THEM5: variants seen among roughly 807,000 people sequenced by gnomAD.
THEM5 encodes the protein acyl-coenzyme A thioesterase THEM5.
THEM5 carries 28 observed loss-of-function variants against 24.2 expected under a neutral mutation model. The observed-to-expected ratio is 1.16, with a 90% CI of 0.86 to 1.59. The LOEUF is 1.59. THEM5 is among the 40% of genes most tolerant of loss of function. THEM5 has a pLI of 0.00. For missense variants in THEM5, 260 were observed against 296.8 expected (o/e 0.88, Z 0.91); for synonymous variants, 87 against 114.5 (o/e 0.76, Z 1.53).
intron 3 of THEM5, 135 bp downstream of exon 3, chr1:151,850,918 T>C (rs1008582850): frequency 8.4e-5 from 96 of 1,145,242 alleles, no homozygotes; most frequent in Non-Finnish European, 1.1e-4. Flanking sequence ...ATTGTGAGGC[T>C]GAAGCCTAGT....
rs142508954 is a variant in THEM5 at position 151,852,418 on chromosome 1, A to G, written c.165T>C (p.Tyr55=). Residue 55 remains tyrosine (Y), a synonymous_variant, in exon 2 of 6, where the codon TAT becomes TAC. Coordinates refer to ENST00000368817, the MANE Select transcript of THEM5 (RefSeq NM_182578.4). The part of the protein sequence containing the change: ...FLPEKTDLKD[Y]ALPNASWCSD... ...AACACCAGCTGGCATTGGGAAGAGCATAATCCTTCAAGTCTGTCTTCTCTG... is the reference window on the plus strand; with the variant it reads ...AACACCAGCTGGCATTGGGAAGAGCGTAATCCTTCAAGTCTGTCTTCTCTG... The G allele has an allele frequency of 4.8e-5, 77 of 1,614,204 alleles. No individual in the cohort carries two copies. The African/African-American group carries it at 8.1e-4, about 17-fold the overall frequency.
intron 1 of THEM5, among the ~76,000 whole-genome samples, chr1:151,852,834 A>G (rs565547682): frequency 6.6e-6 from 1 of 152,374 alleles, no homozygotes; most frequent in South Asian, 2.1e-4. Flanking sequence ...AAGGTTGCCA[A>G]GCATGTGACT....
At chr1:151,852,577 G>A (rs1653159675) in intron 1 of THEM5, 118 bp from the exon 2 acceptor site, 1 of 943,608 alleles carries the variant, frequency 1.1e-6, no homozygotes, top group African/African-American at 1.6e-5. Context: ...TTCTGCCAGA[G>A]TATCGATCCA....
rs747099012 is a variant in THEM5, at chr1:151,852,465, CA to C, written c.124-7del. The C allele has an allele frequency of 1.9e-6, 3 of 1,614,034 alleles. No individual in the cohort carries two copies. Reference sequence around the variant, plus strand: ...TCTGGCAAGAATCTTGAGAACTGGGCAGGAAAAATCAGAATGACTAGACAGC... The same window carrying C: ...TCTGGCAAGAATCTTGAGAACTGGGCGGAAAAATCAGAATGACTAGACAGC... On this transcript the variant is annotated splice_region_variant and splice_polypyrimidine_tract_variant and intron_variant, in intron 1 of 5. Coordinates refer to ENST00000368817, the MANE Select transcript of THEM5 (RefSeq NM_182578.4).
rs199774275 is a variant in THEM5 at position 151,852,404 on chromosome 1, G to A, written c.179C>T (p.Ala60Val). ...GCTCAGCATGTCCGAACACCAGCTG[G>A]CATTGGGAAGAGCATAATCCTTCAA... ...TDLKDYALPN[A>V]SWCSDMLSLY... Residue 60 changes from alanine to valine, a missense_variant, in exon 2 of 6, where the codon GCC (alanine) becomes GTC (valine). Physicochemically the swap from Ala to Val is moderately conservative, Grantham distance 64. Coordinates refer to ENST00000368817, the MANE Select transcript of THEM5 (RefSeq NM_182578.4). 2 of 1,614,138 alleles carry A rather than the reference G, an allele frequency of 1.2e-6. No homozygotes were observed. The highest frequency in any genetic ancestry group is 8.5e-7 in the Non-Finnish European group (1 of 1,180,028).
intron 3 of THEM5, among the ~76,000 whole-genome samples, chr1:151,850,709 C>T (rs1391340805): frequency 6.6e-6 from 1 of 152,212 alleles, no homozygotes; most frequent in African/African-American, 2.4e-5. Context: ...TGCTCAGAGT[C>T]CCACAGCCAG....
chr1:151,847,637 G>T, intron 5 of THEM5, 101 bp downstream of exon 5: 3 of 1,514,338 alleles, frequency 2.0e-6, no homozygotes, highest in African/African-American at 1.4e-5. Flanking sequence ...AAGCTGGACC[G>T]CAGCTTGGGA....
chr1:151,848,056 G>T, intron 4 of THEM5, 126 bp downstream of exon 4: 1 of 1,419,348 alleles, frequency 7.0e-7, no homozygotes, highest in Non-Finnish European at 9.8e-7. Context: ...TAGAGGAATT[G>T]CTTGGGAGTG....
chr1:151,852,521 G>C (rs937747088), intron 1 of THEM5, 62 bp from the exon 2 acceptor site: 5 of 1,535,892 alleles, frequency 3.3e-6, no homozygotes, highest in African/African-American at 1.4e-5. Context: ...GCCTGGGCTC[G>C]GGACCTCTAA....
At position 151,847,769 on chromosome 1, in the gene THEM5, T is replaced by C. The variant is rs767124708; in HGVS notation, c.669A>G (p.Arg223=). ...KLYMSCIAHS[R]DQQTVYAKSS... is the part of the protein sequence containing the mutation. ...ACTTGGCATAAACTGTCTGCTGGTCTCTGCTGTGGGCGATGCAGGACATGT... is the reference window on the plus strand; with the variant it reads ...ACTTGGCATAAACTGTCTGCTGGTCCCTGCTGTGGGCGATGCAGGACATGT... The change falls in exon 5 of 6, where the codon AGA becomes AGG. Residue 223 remains arginine (R), a synonymous_variant. Transcript: ENST00000368817. 2 of 1,613,934 alleles carry C rather than the reference T, an allele frequency of 1.2e-6. No homozygotes were observed. The highest frequency in any genetic ancestry group is 2.2e-5 in the East Asian group (1 of 44,850).
At chr1:151,849,323 A>G (rs972474038) in intron 3 of THEM5, among the ~76,000 whole-genome samples, 2 of 152,112 alleles carry the variant, frequency 1.3e-5, no homozygotes, top group Non-Finnish European at 2.9e-5. Context: ...CACCCATTTT[A>G]GAATTCAAAT....
chr1:151,851,030 C>A (rs1234296081), intron 3 of THEM5, 23 bp downstream of exon 3: 1 of 1,613,564 alleles, frequency 6.2e-7, no homozygotes, highest in Admixed American at 1.7e-5. Flanking sequence ...AGGAGGCAGC[C>A]AAGGTCCTAC....
intron 3 of THEM5, among the ~76,000 whole-genome samples, chr1:151,848,986 A>G (rs1158264745): frequency 6.6e-6 from 1 of 152,188 alleles, no homozygotes; most frequent in Non-Finnish European, 1.5e-5. Flanking sequence ...TGGGAGGCTG[A>G]GGTGGGCAGA....
At chr1:151,847,911 C>T in intron 4 of THEM5, 49 bp from the exon 5 acceptor site, 1 of 1,610,194 alleles carries the variant, frequency 6.2e-7, no homozygotes, top group Non-Finnish European at 8.5e-7. Context: ...CCCGGTTCCC[C>T]ATCCCTTCAC....
intron 2 of THEM5, among the ~76,000 whole-genome samples, chr1:151,851,964 G>C (rs1280271439): frequency 6.6e-6 from 1 of 152,126 alleles, no homozygotes; most frequent in Non-Finnish European, 1.5e-5. Context: ...AGTTAGGGAG[G>C]GGCAGTCAGT....
At chr1:151,847,680 G>A (rs1572059718) in intron 5 of THEM5, 58 bp downstream of exon 5, 4 of 1,545,404 alleles carry the variant, frequency 2.6e-6, no homozygotes, top group South Asian at 1.1e-5. Context: ...CCTCCTGTTT[G>A]TTCTGGGGGT....
intron 2 of THEM5, among the ~76,000 whole-genome samples, chr1:151,851,602 T>C (rs1653129566): frequency 6.6e-6 from 1 of 152,212 alleles, no homozygotes; most frequent in Admixed American, 6.5e-5. Flanking sequence ...CTACATCCTT[T>C]TTTGGAAGTA....
chr1:151,847,457 A>G (rs1652968961), intron 5 of THEM5, 43 bp from the exon 6 acceptor site: 1 of 1,613,010 alleles, frequency 6.2e-7, no homozygotes, highest in Non-Finnish European at 8.5e-7. Flanking sequence ...CTGCACTGAG[A>G]TGGCTGGAGC....
At position 151,847,781 on chromosome 1, in the gene THEM5, G is replaced by A. The variant is rs1191721761; in HGVS notation, c.657C>T (p.Ile219=). ...CTGTCTGCTGGTCTCTGCTGTGGGC[G>A]ATGCAGGACATGTAAAGCTTCTGGT... is the stretch of plus-strand genomic sequence containing the variant. The part of the protein sequence containing the change: ...IEDQKLYMSC[I]AHSRDQQTVY... Residue 219 remains isoleucine, a synonymous_variant, in exon 5 of 6, where the codon ATC becomes ATT. Coordinates refer to ENST00000368817, the MANE Select transcript of THEM5 (RefSeq NM_182578.4). 6.2e-6 allele frequency: 10 copies of A among 1,613,912 alleles called. No homozygotes were observed. The Admixed American group carries it at 6.7e-5, about 11-fold the overall frequency.
Sources: gnomAD v4.1 joint callset for allele counts (sites outside exome capture counted in the v4.1 genomes callset) on GRCh38, gnomAD v4.1.1 for gene constraint, MANE v1.5 for transcripts, NCBI Gene and HGNC (gene_info 2026-07-23, HGNC 2026-07-21) for gene names.